Variants in DIDO1 observed in about 807,000 individuals in gnomAD.
The protein encoded by DIDO1 is death inducer-obliterator 1.
A neutral mutation model predicts 99.4 loss-of-function variants in DIDO1; 16 were observed. That is an observed-to-expected ratio of 0.16 (90% confidence interval 0.11 to 0.24). The LOEUF (loss-of-function observed/expected upper bound fraction) is 0.24. Ranked by LOEUF, DIDO1 falls within the 10% of genes least tolerant of loss-of-function variation. DIDO1 has a pLI of 1.00. For synonymous variants in DIDO1, 1,366 were observed against 1,239.1 expected, an observed-to-expected ratio of 1.10 and a Z score of -2.15; for missense variants, 2,996 against 3,014.0, an observed-to-expected ratio of 0.99 and a Z score of 0.14.
chr20:62,899,360 G>T (rs773374591), intron 6 of DIDO1, among the ~76,000 whole-genome samples: 3 of 152,206 alleles, frequency 2.0e-5, no homozygotes, highest in Admixed American at 1.3e-4. Context: ...TATCTTTAAT[G>T]ATGTTTAACG....
At chr20:62,924,731 C>T (rs548373526) in intron 1 of DIDO1, among the ~76,000 whole-genome samples, 1 of 152,200 alleles carries the variant, frequency 6.6e-6, no homozygotes, top group African/African-American at 2.4e-5. Flanking sequence ...GCAACATGGG[C>T]TGGGCTGTCT....
chr20:62,896,791 T>C lies in DIDO1; in HGVS notation c.1794A>G (p.Pro598=), dbSNP rs1333777942. Residue 598 remains proline (P), a synonymous_variant, in exon 7 of 16, where the codon CCA becomes CCG. Coordinates refer to ENST00000395343, the MANE Select transcript of DIDO1 (RefSeq NM_001193369.2). This position sits in a 1 kb window ranked among gnomAD's most constrained non-coding sequence, Gnocchi z 4.4. ...SGFKGTIPKR[P]WLSATPSSGA... Reference sequence around the variant, plus strand: ...CACTCGATGGGGTAGCGGAGAGCCATGGCCTCTTGGGGATGGTGCCCTTGA... The same window carrying C: ...CACTCGATGGGGTAGCGGAGAGCCACGGCCTCTTGGGGATGGTGCCCTTGA... 1.2e-6 allele frequency: 2 copies of C among 1,614,104 alleles called. No individual in the cohort carries two copies. Among genetic ancestry groups the C allele is most frequent in the South Asian group, 1.1e-5 (1 of 91,082 alleles).
chr20:62,900,159 C>T (rs2064634153), intron 6 of DIDO1, among the ~76,000 whole-genome samples: 1 of 152,230 alleles, frequency 6.6e-6, no homozygotes, highest in South Asian at 2.1e-4. Context: ...CACCGCACAG[C>T]ACTGATGCCT....
At chr20:62,916,503 C>T (rs2065040686) in intron 1 of DIDO1, among the ~76,000 whole-genome samples, 2 of 152,104 alleles carry the variant, frequency 1.3e-5, no homozygotes, top group African/African-American at 2.4e-5. Flanking sequence ...GAATGTATTG[C>T]TATTTTCAAA....
chr20:62,899,981 ATTTGC>A (rs2064627528), intron 6 of DIDO1, among the ~76,000 whole-genome samples: 2 of 152,180 alleles, frequency 1.3e-5, no homozygotes, highest in Non-Finnish European at 2.9e-5. Flanking sequence ...GTTCATCCAA[ATTTGC>A]TTTGAACTAT....
chr20:62,898,003 A>G (rs2064576257), intron 6 of DIDO1, among the ~76,000 whole-genome samples: 1 of 152,222 alleles, frequency 6.6e-6, no homozygotes, highest in Non-Finnish European at 1.5e-5. Flanking sequence ...GATCAAGTCA[A>G]CAAGGCACCT....
At position 62,882,085 on chromosome 20, in the gene DIDO1, T is replaced by C; in HGVS notation, c.3871A>G (p.Thr1291Ala). The change falls in exon 16 of 16, where the codon ACA (threonine) becomes GCA (alanine). Residue 1291 changes from threonine to alanine, a missense_variant. Around this residue, in one of 5 missense-constraint regions of DIDO1, gnomAD observed 1,562 missense variants for 1,412.6 expected, o/e 1.11. Transcript: ENST00000395343. ...GCCGTGGAGGCTGCCGCTGCTGTTG[T>C]GGCTGCTGTGGCTGGGCTGGGGGCT... ...PAAPSPATAATTAAAASTAAS... is the reference protein window; with the variant it reads ...PAAPSPATAAATAAAASTAAS... The C allele has an allele frequency of 2.5e-6, 4 of 1,601,014 alleles. No homozygotes were observed. Among genetic ancestry groups the C allele is most frequent in the Non-Finnish European group, 3.4e-6 (4 of 1,171,608 alleles).
intron 2 of DIDO1, among the ~76,000 whole-genome samples, chr20:62,912,438 T>C (rs1002748817): frequency 5.3e-5 from 8 of 152,128 alleles, no homozygotes; most frequent in Admixed American, 3.3e-4. Flanking sequence ...TCTTTTTTTT[T>C]TTTTTTGAGA....
chr20:62,910,157 G>C lies in DIDO1; in HGVS notation c.840-137C>G, dbSNP rs2064897546. Reference sequence around the variant, plus strand: ...AAGTAGAGATTAAGAACGTCCTCATGCCTTTCCTTTGATTTTAACATTCAA... The same window carrying C: ...AAGTAGAGATTAAGAACGTCCTCATCCCTTTCCTTTGATTTTAACATTCAA... On this transcript the variant is annotated intron_variant, in intron 3 of 15. Coordinates refer to ENST00000395343, the MANE Select transcript of DIDO1 (RefSeq NM_001193369.2). The C allele has an allele frequency of 3.0e-6, 3 of 997,800 alleles. No individual in the cohort carries two copies. In the East Asian group the frequency reaches 7.9e-5, roughly 26 times the overall value. 61.8% of individuals were successfully genotyped at this position (997,800 alleles called of 1,614,324 possible).
At chr20:62,905,200 A>G in intron 6 of DIDO1, 1 of 1,121,774 alleles carries the variant, frequency 8.9e-7, no homozygotes, top group South Asian at 3.3e-5. Context: ...GTAGAATACC[A>G]AGTCCAAGGC....
In DIDO1 at chr20:62,881,887, G is replaced by T. The variant is rs751784204; in HGVS notation, c.4069C>A (p.Pro1357Thr). ...KTTAEDGVPA[P>T]PLLDPIVQQF... ...TGGACGATCGGATCTAACAACGGAGGTGCCGGCACCCCGTCCTCTGCTGTG... is the reference window on the plus strand; with the variant it reads ...TGGACGATCGGATCTAACAACGGAGTTGCCGGCACCCCGTCCTCTGCTGTG... The change falls in exon 16 of 16, where the codon CCT becomes ACT. Residue 1357 changes from proline to threonine, a missense_variant. Physicochemically the swap from Pro to Thr is conservative, Grantham distance 38. Coordinates refer to ENST00000395343, the MANE Select transcript of DIDO1 (RefSeq NM_001193369.2). This position sits in a 1 kb window ranked among gnomAD's most constrained non-coding sequence, Gnocchi z 8.3. 1.2e-6 allele frequency: 2 copies of T among 1,613,500 alleles called. No individual in the cohort carries two copies. The highest frequency in any genetic ancestry group is 1.7e-6 in the Non-Finnish European group (2 of 1,180,036).
intron 13 of DIDO1, among the ~76,000 whole-genome samples, chr20:62,892,331 C>T (rs1283065028): frequency 1.3e-5 from 2 of 152,194 alleles, no homozygotes; most frequent in African/African-American, 2.4e-5. Flanking sequence ...GCTGTCTTTA[C>T]GTACATACAC....
At chr20:62,926,204 G>C (rs1168955719) in intron 1 of DIDO1, among the ~76,000 whole-genome samples, 1 of 151,804 alleles carries the variant, frequency 6.6e-6, no homozygotes, top group South Asian at 2.1e-4. Flanking sequence ...ACCAGGGCCG[G>C]CGTCTGAGGC....
chr20:62,906,576 A>G (rs1461106321), intron 5 of DIDO1, among the ~76,000 whole-genome samples: 2 of 152,168 alleles, frequency 1.3e-5, no homozygotes, highest in Admixed American at 6.5e-5. Context: ...ATAATCAAGA[A>G]AACTCCCTGA....
rs77144921 is a variant in DIDO1 at position 62,915,483 on chromosome 20, A to G, written c.-199-1077T>C. Among the ~76,000 whole-genome samples, 1,514 of 152,230 alleles carry G rather than the reference A, an allele frequency of 9.9e-3. 23 individuals are homozygous for G. The highest frequency in any genetic ancestry group is 0.035 in the African/African-American group (1,450 of 41,532). On this transcript the variant is annotated intron_variant, in intron 1 of 15. Coordinates refer to ENST00000395343, the MANE Select transcript of DIDO1 (RefSeq NM_001193369.2). ...TATATTTTGCAACACTGAGCATTTA[A>G]TTTATTTTACTTTACTTTTTAAAGA...
rs375071663 is a variant in DIDO1 at position 62,894,846 on chromosome 20, G to A, written c.2400C>T (p.Pro800=). 37 of 1,613,992 alleles carry A rather than the reference G, an allele frequency of 2.3e-5. No individual in the cohort carries two copies. The highest frequency in any genetic ancestry group is 2.7e-5 in the Non-Finnish European group (32 of 1,180,038). Residue 800 remains proline, a synonymous_variant, in exon 10 of 16, where the codon CCC becomes CCT. Coordinates refer to ENST00000395343, the MANE Select transcript of DIDO1 (RefSeq NM_001193369.2). This position sits in a 1 kb window ranked among gnomAD's most constrained non-coding sequence, Gnocchi z 4.4. ...KKTAPRQEAI[P]DLEDSPPVSD... ...ACACTGGCGGAGAGTCCTCCAGATC[G>A]GGGATGGCCTCCTGCCTGGGGGCCG...
intron 6 of DIDO1, chr20:62,905,516 G>A (rs2064781707): frequency 6.4e-7 from 1 of 1,550,996 alleles, no homozygotes; most frequent in Non-Finnish European, 8.7e-7. Flanking sequence ...AACAACTCAT[G>A]TGCAGACAGG....
Position 62,901,859 on chromosome 20 carries a change from A to G in DIDO1, c.1588+4028T>C, listed in dbSNP as rs183303145. On this transcript the variant is annotated intron_variant, in intron 6 of 15. Transcript: ENST00000395343. ...ACCTAGTATTATTTTACAACTTTAT[A>G]CAAATCTACCTGAAACTTGTGTACC... 5.9e-5 allele frequency among the ~76,000 whole-genome samples: 9 copies of G among 151,904 alleles called. No homozygotes were observed. In the East Asian group the frequency reaches 1.7e-3, roughly 29 times the overall value.
chr20:62,904,432 AT>A (rs2064753848), intron 6 of DIDO1, among the ~76,000 whole-genome samples: 1 of 152,196 alleles, frequency 6.6e-6, no homozygotes, highest in Admixed American at 6.5e-5. Flanking sequence ...TGTTTACATG[AT>A]CAAAACGAGG....
Sources: allele counts gnomAD v4.1 joint callset (sites outside exome capture counted in the v4.1 genomes callset), GRCh38; gene constraint gnomAD v4.1.1; regional missense constraint gnomAD v4.1.1; non-coding constraint Gnocchi (gnomAD v3.1); transcripts MANE v1.5; gene names NCBI Gene and HGNC (gene_info 2026-07-23, HGNC 2026-07-21).